Variants in CCNJL observed in about 807,000 individuals in gnomAD.
CCNJL encodes the protein cyclin J like.
CCNJL carries 33 observed loss-of-function variants against 33.4 expected under a neutral mutation model. The observed-to-expected ratio is 0.99, with a 90% CI of 0.75 to 1.32. The LOEUF is 1.32. Among genes scored for constraint, CCNJL ranks in the 40% most tolerant of loss-of-function variants. CCNJL has a pLI of 0.00. For missense variants in CCNJL, 512 were observed against 499.7 expected (o/e 1.02, Z -0.23); for synonymous variants, 227 against 220.9 (o/e 1.03, Z -0.24).
chr5:160,338,762 G>GAGC (rs1763713284), intron 1 of CCNJL, among the ~76,000 whole-genome samples: 1 of 150,490 alleles, frequency 6.6e-6, no homozygotes, highest in Non-Finnish European at 1.5e-5. Flanking sequence ...CTCAGTAACT[G>GAGC]TATTCATCCT....
Position 160,280,525 on chromosome 5 carries a change from T to C in CCNJL, c.280A>G (p.Ser94Gly). The change falls in exon 3 of 6, where the codon AGT becomes GGT. Residue 94 changes from serine (S) to glycine (G), a missense_variant and splice_region_variant. Ser to Gly is a moderately conservative substitution (Grantham distance 56). Transcript: ENST00000257536. ...GAGGAAGACGTAGGTTTTCGCTTAC[T>C]TGCAAGCAGGAGGCAGGAGACGGCC... is the stretch of plus-strand genomic sequence containing the variant. ...TVAVSCLLLA[S>G]KFEDREDHVP... is the part of the protein sequence containing the mutation. The C allele has an allele frequency of 6.2e-7, 1 of 1,611,864 alleles. No individual in the cohort carries two copies. The highest frequency in any genetic ancestry group is 8.5e-7 in the Non-Finnish European group (1 of 1,179,772).
chr5:160,302,772 A>G (rs1762962128), intron 2 of CCNJL, among the ~76,000 whole-genome samples: 2 of 152,062 alleles, frequency 1.3e-5, no homozygotes, highest in Admixed American at 6.6e-5. Flanking sequence ...AGATCATGCC[A>G]CTGCACTTCA....
chr5:160,316,517 C>T (rs190995515), upstream of CCNJL, among the ~76,000 whole-genome samples: 61 of 152,210 alleles, frequency 4.0e-4, no homozygotes, highest in African/African-American at 1.4e-3. Flanking sequence ...TTGCACTGAA[C>T]TTTCCTTTTG....
At chr5:160,283,726 T>C (rs1249573335) in intron 2 of CCNJL, among the ~76,000 whole-genome samples, 1 of 152,184 alleles carries the variant, frequency 6.6e-6, no homozygotes, top group African/African-American at 2.4e-5. Context: ...TCATTCTTTA[T>C]ATATTTTTTG....
At chr5:160,282,972 T>TATATATATATATAC (rs1561791050) in intron 2 of CCNJL, among the ~76,000 whole-genome samples, 9 of 44,212 alleles carry the variant, frequency 2.0e-4, no homozygotes, top group South Asian at 9.5e-4. Context: ...TTGGAATATA[T>TATATATATATATAC]ATATATATAT....
At chr5:160,257,158 T>C (rs1455683734) in intron 4 of CCNJL, among the ~76,000 whole-genome samples, 1 of 151,784 alleles carries the variant, frequency 6.6e-6, no homozygotes, top group Non-Finnish European at 1.5e-5. Flanking sequence ...CTGAGCAACA[T>C]GGCGAGACCC....
intron 1 of CCNJL, among the ~76,000 whole-genome samples, chr5:160,323,568 C>T (rs1763500257): frequency 6.6e-6 from 1 of 152,184 alleles, no homozygotes; most frequent in Non-Finnish European, 1.5e-5. Flanking sequence ...CTAAAAACAT[C>T]CTTTCTTTAT....
intron 1 of CCNJL, among the ~76,000 whole-genome samples, chr5:160,335,367 T>G (rs1763669419): frequency 6.6e-6 from 1 of 152,202 alleles, no homozygotes; most frequent in East Asian, 1.9e-4. Flanking sequence ...TATATAGAAT[T>G]TATATATTTT....
chr5:160,318,994 C>G (rs1196712407), intron 1 of CCNJL, among the ~76,000 whole-genome samples: 1 of 152,182 alleles, frequency 6.6e-6, no homozygotes, highest in Non-Finnish European at 1.5e-5. Flanking sequence ...GAACTCACAA[C>G]AAGTTGAGAG....
rs7379073 is a variant in CCNJL at position 160,249,739 on chromosome 5, G to T, written c.*3639C>A. 6.7e-6 allele frequency: 1 copy of T among 150,044 alleles called. No individual in the cohort carries two copies. Among genetic ancestry groups the T allele is most frequent in the African/African-American group, 2.5e-5 (1 of 40,760 alleles). The allele number at this position is 150,044 out of a possible 1,614,324, so 9.3% of individuals were successfully genotyped here. A position where few individuals can be genotyped will look rare whatever the true frequency, so the allele number is the denominator to read the frequency against. ...GACTGTGCCACTGCACTCTAGCCTG[G>T]GCCACAGAGTGAGACCCTGTTTCAA... On this transcript the variant is annotated 3_prime_UTR_variant, in exon 6 of 6. Coordinates refer to ENST00000257536, the MANE Select transcript of CCNJL (RefSeq NM_001308173.3).
chr5:160,293,468 C>G (rs774679958), intron 2 of CCNJL, among the ~76,000 whole-genome samples: 16 of 152,092 alleles, frequency 1.1e-4, no homozygotes, highest in African/African-American at 2.9e-4. Context: ...TACTTAATCA[C>G]TATAGGAATT....
intron 4 of CCNJL, 31 bp from the exon 5 acceptor site, chr5:160,255,739 C>T (rs2113211888): frequency 6.2e-7 from 1 of 1,604,724 alleles, no homozygotes; most frequent in South Asian, 1.1e-5. Context: ...GAGTCAGCAT[C>T]CAAATCCTCC....
intron 2 of CCNJL, among the ~76,000 whole-genome samples, chr5:160,308,867 T>C (rs1341941353): frequency 1.3e-5 from 2 of 151,986 alleles, no homozygotes; most frequent in Non-Finnish European, 1.5e-5. Flanking sequence ...GAGGCAGCAA[T>C]AGATTAAGGG....
chr5:160,271,500 C>T (rs187935592), intron 3 of CCNJL, among the ~76,000 whole-genome samples: 2 of 152,322 alleles, frequency 1.3e-5, no homozygotes, highest in African/African-American at 4.8e-5. Flanking sequence ...AGGCAGTTTA[C>T]ACAAAATCCC....
chr5:160,331,381 G>A (rs561437222), intron 1 of CCNJL, among the ~76,000 whole-genome samples: 2 of 151,826 alleles, frequency 1.3e-5, no homozygotes, highest in East Asian at 3.9e-4. Context: ...CCACCACCAC[G>A]CCCGGCTAAT....
chr5:160,339,381 ACGC>A, intron 1 of CCNJL: 1 of 361,906 alleles, frequency 2.8e-6, no homozygotes, highest in South Asian at 2.1e-5. Context: ...ACAAAAAAAA[ACGC>A]CAAAACCCCA....
chr5:160,252,464 T>A lies in CCNJL; in HGVS notation c.*914A>T, dbSNP rs1181247931. 6.6e-6 allele frequency: 1 copy of A among 152,290 alleles called. No homozygotes were observed. The highest frequency in any genetic ancestry group is 1.5e-5 in the Non-Finnish European group (1 of 68,048). 9.4% of individuals were successfully genotyped at this position (152,290 alleles called of 1,614,324 possible). On this transcript the variant is annotated 3_prime_UTR_variant, in exon 6 of 6. Transcript: ENST00000257536. Reference sequence around the variant, plus strand: ...GTCTTCCTTTCAACGAGCTTCTCCCTCCCTGGGTAGTTATTAAAGTTCTAG... The same window carrying A: ...GTCTTCCTTTCAACGAGCTTCTCCCACCCTGGGTAGTTATTAAAGTTCTAG...
intron 2 of CCNJL, among the ~76,000 whole-genome samples, chr5:160,310,463 G>C (rs941971414): frequency 2.0e-5 from 3 of 152,188 alleles, no homozygotes; most frequent in Non-Finnish European, 4.4e-5. Flanking sequence ...ACTCAATGAG[G>C]TAAAAACACT....
At chr5:160,326,685 A>AGGG (rs1763540361) in intron 1 of CCNJL, 1 of 881,112 alleles carries the variant, frequency 1.1e-6, no homozygotes. Flanking sequence ...TCTTTGTGAA[A>AGGG]TTCCACCATG....
Sources: gnomAD v4.1 joint callset for allele counts (sites outside exome capture counted in the v4.1 genomes callset) on GRCh38, gnomAD v4.1.1 for gene constraint, MANE v1.5 for transcripts, NCBI Gene and HGNC (gene_info 2026-07-23, HGNC 2026-07-21) for gene names.